Variants in PCED1B observed in about 807,000 individuals in gnomAD.
The protein encoded by PCED1B is PC-esterase domain containing 1B, also known as PC-esterase domain-containing protein 1B.
For missense variants in PCED1B, 573 were observed against 573.9 expected (o/e 1.00, Z 0.02); for synonymous variants, 251 against 246.1 (o/e 1.02, Z -0.19).
At chr12:47,135,033 T>G (rs528609228) in intron 2 of PCED1B, among the ~76,000 whole-genome samples, 1 of 152,342 alleles carries the variant, frequency 6.6e-6, no homozygotes, top group African/African-American at 2.4e-5. Context: ...TACAGTATCT[T>G]TTAGGAACCA....
chr12:47,221,338 CTTTTT>C (rs63059763), intron 3 of PCED1B, among the ~76,000 whole-genome samples: 8 of 108,910 alleles, frequency 7.3e-5, no homozygotes, highest in Admixed American at 1.0e-4. Context: ...CATCAAAATT[CTTTTT>C]TTTTTTTTTT....
intron 2 of PCED1B, among the ~76,000 whole-genome samples, chr12:47,122,406 C>A (rs756239937): frequency 5.9e-5 from 9 of 152,200 alleles, no homozygotes; most frequent in Admixed American, 1.3e-4. Context: ...TGATCCAGAA[C>A]TTTACATTTC....
intron 3 of PCED1B, among the ~76,000 whole-genome samples, chr12:47,231,081 G>A (rs898045917): frequency 1.3e-5 from 2 of 152,124 alleles, no homozygotes; most frequent in African/African-American, 4.8e-5. Context: ...GATTCCAAAC[G>A]CAATGCTCTT....
chr12:47,139,955 AGAT>A (rs145666369), intron 2 of PCED1B, among the ~76,000 whole-genome samples: 2,539 of 152,194 alleles, frequency 0.017, 68 homozygotes, highest in African/African-American at 0.058. Flanking sequence ...ATAAAATATT[AGAT>A]GATGTGTGTG....
intron 2 of PCED1B, among the ~76,000 whole-genome samples, chr12:47,105,074 T>G (rs1938885867): frequency 6.6e-6 from 1 of 152,202 alleles, no homozygotes; most frequent in African/African-American, 2.4e-5. Context: ...GAAATATCTC[T>G]GAGTCTAATT....
chr12:47,235,897 G>C lies in PCED1B; in HGVS notation c.834G>C (p.Pro278=). 1 of 1,599,562 alleles carries C rather than the reference G, an allele frequency of 6.3e-7. No homozygotes were observed. The highest frequency in any genetic ancestry group is 1.1e-5 in the South Asian group (1 of 89,760). Residue 278 remains proline, a synonymous_variant, in exon 4 of 4, where the codon CCG becomes CCC. Transcript: ENST00000546455. Reference sequence around the variant, plus strand: ...AACCTGGCCCGAGAGTCGAAGGGCCGCCCCAGGCCAACAGAAATCACCCGG... The same window carrying C: ...AACCTGGCCCGAGAGTCGAAGGGCCCCCCCAGGCCAACAGAAATCACCCGG... The part of the protein sequence containing the change: ...KKKPGPRVEG[P]PQANRNHPAL...
chr12:47,168,985 C>A (rs1419204555), intron 2 of PCED1B, among the ~76,000 whole-genome samples: 1 of 152,126 alleles, frequency 6.6e-6, no homozygotes, highest in African/African-American at 2.4e-5. Context: ...ATACTTTCTA[C>A]TCAAAGGATA....
intron 2 of PCED1B, among the ~76,000 whole-genome samples, chr12:47,212,571 C>A (rs555135841): frequency 3.9e-5 from 6 of 152,280 alleles, no homozygotes; most frequent in Non-Finnish European, 8.8e-5. Flanking sequence ...ACGATGATTT[C>A]TGTCATCTCC....
intron 2 of PCED1B, among the ~76,000 whole-genome samples, chr12:47,111,449 A>G (rs1383875978): frequency 6.6e-6 from 1 of 152,020 alleles, no homozygotes; most frequent in African/African-American, 2.4e-5. Flanking sequence ...AAAATTTGCC[A>G]TCTTCACCAT....
chr12:47,195,601 T>G (rs1445282376), intron 2 of PCED1B, among the ~76,000 whole-genome samples: 1 of 152,042 alleles, frequency 6.6e-6, no homozygotes, highest in African/African-American at 2.4e-5. Context: ...GGTGTTGTAT[T>G]AAGGAAGGTA....
At chr12:47,101,153 C>A (rs1938689988) in intron 1 of PCED1B, among the ~76,000 whole-genome samples, 1 of 152,042 alleles carries the variant, frequency 6.6e-6, no homozygotes, top group South Asian at 2.1e-4. Context: ...AAATATATCA[C>A]CTAGGATACT....
At chr12:47,209,342 G>C (rs1287757703) in intron 2 of PCED1B, 4 of 152,254 alleles carry the variant, frequency 2.6e-5, no homozygotes, top group Admixed American at 6.5e-5. Flanking sequence ...CCTGGCCAAC[G>C]GGGCATGGTG....
intron 2 of PCED1B, among the ~76,000 whole-genome samples, chr12:47,143,010 A>G (rs1940652867): frequency 6.6e-6 from 1 of 152,218 alleles, no homozygotes. Flanking sequence ...ACAAAATTCA[A>G]CATCCTTTAT....
chr12:47,126,843 T>C (rs1290862584), intron 2 of PCED1B, among the ~76,000 whole-genome samples: 1 of 152,208 alleles, frequency 6.6e-6, no homozygotes, highest in Non-Finnish European at 1.5e-5. Flanking sequence ...TCCATAGTGC[T>C]GTTAGCTTTT....
In PCED1B at chr12:47,236,486, C is replaced by T. The variant is rs567946095; in HGVS notation, c.*124C>T. ...AAGCCTGGAGTCCATGCCTCGTCTTCCTTTTGTTCATTGCTGTTACCAAGA... is the reference window on the plus strand; with the variant it reads ...AAGCCTGGAGTCCATGCCTCGTCTTTCTTTTGTTCATTGCTGTTACCAAGA... On this transcript the variant is annotated 3_prime_UTR_variant, in exon 4 of 4. Transcript: ENST00000546455. 1.4e-4 allele frequency: 140 copies of T among 1,014,464 alleles called. No homozygotes were observed. The highest frequency in any genetic ancestry group is 4.3e-4 in the South Asian group (22 of 50,604). The allele number at this position is 1,014,464 out of a possible 1,614,324, so 62.8% of individuals were successfully genotyped here.
intron 2 of PCED1B, among the ~76,000 whole-genome samples, chr12:47,205,639 A>G (rs1346196728): frequency 6.6e-6 from 1 of 152,152 alleles, no homozygotes; most frequent in Admixed American, 6.6e-5. Context: ...TTTCACTGAC[A>G]TAATTTTCTT....
At chr12:47,234,859 A>C in intron 3 of PCED1B, 148 bp from the exon 4 acceptor site, 1 of 414,626 alleles carries the variant, frequency 2.4e-6, no homozygotes, top group Non-Finnish European at 4.2e-6. Flanking sequence ...GGCTTGGTGG[A>C]GCCTGTTATG....
intron 2 of PCED1B, among the ~76,000 whole-genome samples, chr12:47,184,857 G>A (rs575220726): frequency 2.6e-5 from 4 of 152,150 alleles, no homozygotes; most frequent in Admixed American, 6.5e-5. Context: ...GGAAAGTTTT[G>A]TGTATGCATT....
At chr12:47,098,447 ACACT>A (rs1375263994) in intron 1 of PCED1B, among the ~76,000 whole-genome samples, 4 of 152,224 alleles carry the variant, frequency 2.6e-5, no homozygotes, top group Non-Finnish European at 5.9e-5. Flanking sequence ...AGAGTATGCA[ACACT>A]CACAGGGAAT....
Sources: gnomAD v4.1 joint callset for allele counts (sites outside exome capture counted in the v4.1 genomes callset) on GRCh38, gnomAD v4.1.1 for gene constraint, MANE v1.5 for transcripts, NCBI Gene and HGNC (gene_info 2026-07-23, HGNC 2026-07-21) for gene names.